The following RPS29 variants were observed in gnomAD, a reference collection of about 807,000 sequenced individuals.
RPS29 encodes the protein small ribosomal subunit protein uS14.
For missense variants in RPS29, 60 were observed against 75.7 expected, an observed-to-expected ratio of 0.79 and a Z score of 0.77; for synonymous variants, 37 against 26.9, an observed-to-expected ratio of 1.37 and a Z score of -1.16.
At chr14:49,578,963 T>G (rs1329112638), downstream of RPS29, among the ~76,000 whole-genome samples, 2 of 152,318 alleles carry the variant, frequency 1.3e-5, no homozygotes, top group Non-Finnish European at 2.9e-5. Flanking sequence ...CTTGGGAAAG[T>G]TACTTATTCA....
At chr14:49,583,530 T>C (rs1340589826), downstream of RPS29, 3 of 887,646 alleles carry the variant, frequency 3.4e-6, no homozygotes, top group Non-Finnish European at 5.0e-6. Context: ...AAGATTTCTA[T>C]AAACAATTAG....
chr14:49,598,416 T>C, exon 1 of RPS29: 1 of 697,828 alleles, frequency 1.4e-6, no homozygotes, highest in South Asian at 1.5e-5. Flanking sequence ...TGAAAAATTA[T>C]TTGTTCAGCA....
intron 2 of RPS29, among the ~76,000 whole-genome samples, chr14:49,584,502 C>T (rs1193317695): frequency 6.6e-6 from 1 of 152,198 alleles, no homozygotes; most frequent in Non-Finnish European, 1.5e-5. Flanking sequence ...CCGTGGATCA[C>T]GCCTGTAATC....
chr14:49,586,583 G>A (rs1376136632), upstream of RPS29: 26 of 543,310 alleles, frequency 4.8e-5, no homozygotes, highest in South Asian at 2.1e-5. Context: ...TCCGACCGCC[G>A]GGCGCGGTGG....
intron 2 of RPS29, chr14:49,585,618 T>C (rs1189995277): frequency 2.3e-6 from 1 of 427,876 alleles, no homozygotes; most frequent in African/African-American, 2.1e-5. Context: ...ACTTACAAGA[T>C]TGATAAATGA....
downstream of RPS29, among the ~76,000 whole-genome samples, chr14:49,582,012 C>CCAAA (rs71115379): frequency 4.7e-4 from 50 of 106,498 alleles, 2 homozygotes; most frequent in African/African-American, 1.8e-3. Context: ...CCCTGCCCCC[C>CCAAA]AAAAAAAAAA....
chr14:49,581,848 C>G (rs1373203941), downstream of RPS29, among the ~76,000 whole-genome samples: 1 of 151,858 alleles, frequency 6.6e-6, no homozygotes, highest in East Asian at 1.9e-4. Flanking sequence ...GGACAACAAA[C>G]CCCGTCTCTA....
At chr14:49,593,618 G>C (rs1881760148) in intron 1 of RPS29, among the ~76,000 whole-genome samples, 1 of 144,510 alleles carries the variant, frequency 6.9e-6, no homozygotes, top group South Asian at 2.2e-4. Context: ...GCTTGAACCT[G>C]GGAAGTGGAA....
At chr14:49,577,545 C>A in exon 3 of RPS29, 1 of 602,312 alleles carries the variant, frequency 1.7e-6, no homozygotes, top group Non-Finnish European at 3.0e-6. Flanking sequence ...GCAGTACTTC[C>A]AGCTCCTTAA....
At chr14:49,595,622 A>G (rs1881804753) in intron 1 of RPS29, among the ~76,000 whole-genome samples, 1 of 151,666 alleles carries the variant, frequency 6.6e-6, no homozygotes, top group Non-Finnish European at 1.5e-5. Context: ...AAACTAAAAA[A>G]AAAAAAATTC....
upstream of RPS29, chr14:49,586,569 G>C (rs116500768): frequency 1.1e-5 from 6 of 562,768 alleles, no homozygotes; most frequent in South Asian, 8.3e-5. Flanking sequence ...ATTCTGCGCC[G>C]GTATCCGACC....
chr14:49,583,977 T>C lies in RPS29; in HGVS notation c.163-302A>G, dbSNP rs541301219. ...ATAGTTGTTCAGTAGGCAACTATAA[T>C]TACACAGTTCATCATTTTTTTTTTG... On this transcript the variant is annotated intron_variant, in intron 2 of 2. Transcript: ENST00000245458. 3.3e-5 allele frequency among the ~76,000 whole-genome samples: 5 copies of C among 152,336 alleles called. No individual in the cohort carries two copies. The East Asian group carries it at 7.7e-4, about 23-fold the overall frequency.
upstream of RPS29, among the ~76,000 whole-genome samples, chr14:49,588,472 C>T (rs1183583468): frequency 2.0e-5 from 3 of 152,168 alleles, no homozygotes; most frequent in Admixed American, 2.0e-4. Context: ...GAGAACACAG[C>T]TTTAAAAGTT....
chr14:49,586,173 G>A (rs1881544322), intron 1 of RPS29, 112 bp downstream of exon 1: 4 of 1,392,964 alleles, frequency 2.9e-6, no homozygotes, highest in South Asian at 2.3e-5. Flanking sequence ...CGGCACCAGC[G>A]ACTCCCAGTC....
upstream of RPS29, among the ~76,000 whole-genome samples, chr14:49,590,349 G>A (rs1343594740): frequency 2.6e-5 from 4 of 151,974 alleles, no homozygotes; most frequent in African/African-American, 4.8e-5. Context: ...GGTGGCGGGC[G>A]CCTGTAGTCC....
chr14:49,593,692 C>CAGAAAA (rs1881762136), intron 1 of RPS29, among the ~76,000 whole-genome samples: 1 of 56,302 alleles, frequency 1.8e-5, no homozygotes, highest in African/African-American at 6.5e-5. Flanking sequence ...GACTCTGTCT[C>CAGAAAA]AAAAAAAAAA....
upstream of RPS29, chr14:49,586,919 G>C (rs1304171415): frequency 6.5e-6 from 1 of 154,766 alleles, no homozygotes; most frequent in East Asian, 1.9e-4. Flanking sequence ...CTCAAGAGAT[G>C]AATATTCTCA....
At chr14:49,589,914 A>G (rs188378663), upstream of RPS29, among the ~76,000 whole-genome samples, 158 of 152,318 alleles carry the variant, frequency 1.0e-3, no homozygotes, top group African/African-American at 3.7e-3. Context: ...GCTGGAGGCC[A>G]TTATCCTAAA....
chr14:49,581,567 G>A (rs1040548108), downstream of RPS29, among the ~76,000 whole-genome samples: 4 of 152,210 alleles, frequency 2.6e-5, no homozygotes, highest in African/African-American at 9.7e-5. Flanking sequence ...CTCCCAAGTA[G>A]CTAGGCGTGC....
Sources: gnomAD v4.1 joint callset for allele counts (sites outside exome capture counted in the v4.1 genomes callset) on GRCh38, gnomAD v4.1.1 for gene constraint, MANE v1.5 for transcripts, NCBI Gene and HGNC (gene_info 2026-07-23, HGNC 2026-07-21) for gene names.